Variants in ZBTB20 observed in about 807,000 individuals in gnomAD.
ZBTB20 encodes zinc finger and BTB domain-containing protein 20.
Under a neutral mutation model 56.9 loss-of-function variants are expected in ZBTB20, and 9 were observed. The ratio of observed to expected loss-of-function variants is 0.16; its 90% confidence interval spans 0.10 to 0.28. The LOEUF (loss-of-function observed/expected upper bound fraction) is 0.28. Ranked by LOEUF, ZBTB20 falls within the 10% of genes least tolerant of loss-of-function variation. ZBTB20 has a pLI of 1.00. For synonymous variants in ZBTB20, 417 were observed against 420.7 expected (o/e 0.99, Z 0.11); for missense variants, 655 against 1,003.0 (o/e 0.65, Z 4.69).
chr3:114,903,235 T>C (rs542711306), intron 3 of ZBTB20, among the ~76,000 whole-genome samples: 1 of 152,108 alleles, frequency 6.6e-6, no homozygotes, highest in Non-Finnish European at 1.5e-5. Context: ...ATTTAAATTT[T>C]CTGTCTGTAA....
Position 114,631,382 on chromosome 3 carries a change from CTTTTTTTTTTT to C in ZBTB20, c.-295+62135_-295+62145del, listed in dbSNP as rs66470152. ...TGGGGTGGCTCTTAAATAGGTTATT[CTTTTTTTTTTT>C]TTTTTTTTTTTTTTTTTGAGATGGC... On this transcript the variant is annotated intron_variant, in intron 6 of 11. Coordinates refer to ENST00000675478, the MANE Select transcript of ZBTB20 (RefSeq NM_001348800.3). Among the ~76,000 whole-genome samples, 56 of 49,828 alleles carry C rather than the reference CTTTTTTTTTTT, an allele frequency of 1.1e-3. 1 individual carries two copies. The highest frequency in any genetic ancestry group is 0.045 in the Middle Eastern group (1 of 22). 32.7% of individuals were successfully genotyped at this position (49,828 alleles called of 152,430 possible).
At chr3:114,732,767 G>C (rs1030084814) in intron 5 of ZBTB20, among the ~76,000 whole-genome samples, 1 of 152,168 alleles carries the variant, frequency 6.6e-6, no homozygotes, top group African/African-American at 2.4e-5. Context: ...GTGGGGGATG[G>C]GGATGCAGGT....
chr3:114,570,570 A>C (rs2053308188), intron 6 of ZBTB20, among the ~76,000 whole-genome samples: 3 of 152,114 alleles, frequency 2.0e-5, no homozygotes, highest in Non-Finnish European at 4.4e-5. Flanking sequence ...GCAGAGTTAG[A>C]ATTTAAACTC....
intron 7 of ZBTB20, among the ~76,000 whole-genome samples, chr3:114,446,024 T>A (rs1479586635): frequency 6.6e-6 from 1 of 152,144 alleles, no homozygotes; most frequent in South Asian, 2.1e-4. Flanking sequence ...ATCTATATAT[T>A]CCTTAACGTT....
At chr3:114,936,283 T>A (rs998147485) in intron 3 of ZBTB20, among the ~76,000 whole-genome samples, 1 of 152,182 alleles carries the variant, frequency 6.6e-6, no homozygotes. Context: ...CACGCACACA[T>A]GCATGCGCAC....
chr3:115,079,378 T>A (rs1576727486), intron 1 of ZBTB20, among the ~76,000 whole-genome samples: 1 of 73,316 alleles, frequency 1.4e-5, no homozygotes. Context: ...CTCAAGTCTT[T>A]CTTATTTATT....
intron 4 of ZBTB20, among the ~76,000 whole-genome samples, chr3:114,857,002 G>C (rs2075284056): frequency 6.6e-6 from 1 of 152,070 alleles, no homozygotes; most frequent in South Asian, 2.1e-4. Context: ...AAAGTCACTG[G>C]TTTGTTGAGA....
At chr3:114,522,979 G>T (rs1395389147) in intron 6 of ZBTB20, among the ~76,000 whole-genome samples, 1 of 152,118 alleles carries the variant, frequency 6.6e-6, no homozygotes, top group East Asian at 1.9e-4. Context: ...CCATAAGCTT[G>T]GGTGCAAATA....
chr3:115,106,306 T>A (rs532340800), intron 1 of ZBTB20, among the ~76,000 whole-genome samples: 42 of 148,284 alleles, frequency 2.8e-4, no homozygotes, highest in Middle Eastern at 6.9e-3. Flanking sequence ...CGATCTTAGC[T>A]CACTGCAAGC....
chr3:114,539,404 G>C (rs1454811800), intron 6 of ZBTB20, among the ~76,000 whole-genome samples: 1 of 152,056 alleles, frequency 6.6e-6, no homozygotes, highest in Non-Finnish European at 1.5e-5. Context: ...TTAGACATTT[G>C]TATAGCAGTG....
chr3:115,037,883 T>C (rs1406106948), intron 2 of ZBTB20, among the ~76,000 whole-genome samples: 1 of 152,214 alleles, frequency 6.6e-6, no homozygotes, highest in Non-Finnish European at 1.5e-5. Flanking sequence ...TTTAAATAAA[T>C]AAATATGCTA....
At chr3:115,049,069 C>T (rs2081444664) in intron 2 of ZBTB20, among the ~76,000 whole-genome samples, 2 of 151,982 alleles carry the variant, frequency 1.3e-5, no homozygotes, top group African/African-American at 4.8e-5. Flanking sequence ...TCTTATAAAA[C>T]CCTTAATACT....
intron 6 of ZBTB20, among the ~76,000 whole-genome samples, chr3:114,637,254 T>G (rs975409550): frequency 6.6e-6 from 1 of 152,076 alleles, no homozygotes; most frequent in African/African-American, 2.4e-5. Context: ...ACACTACTTT[T>G]TATTTTTCCA....
At chr3:114,686,948 TAAC>T (rs375580143) in intron 6 of ZBTB20, among the ~76,000 whole-genome samples, 1 of 151,862 alleles carries the variant, frequency 6.6e-6, no homozygotes, top group East Asian at 1.9e-4. Context: ...ACAACAGCAA[TAAC>T]AACAACAACA....
At chr3:114,840,840 T>A (rs964479546) in intron 4 of ZBTB20, among the ~76,000 whole-genome samples, 9 of 152,164 alleles carry the variant, frequency 5.9e-5, no homozygotes, top group Non-Finnish European at 8.8e-5. Flanking sequence ...AATACTAAAT[T>A]GAGGCTCTAG....
chr3:114,362,030 T>G (rs934570711), intron 10 of ZBTB20, among the ~76,000 whole-genome samples: 1 of 152,184 alleles, frequency 6.6e-6, no homozygotes, highest in East Asian at 1.9e-4. Context: ...TTAGATTTAA[T>G]GAGTCTTGTA....
chr3:114,660,712 A>G (rs1489559778), intron 6 of ZBTB20, among the ~76,000 whole-genome samples: 1 of 152,162 alleles, frequency 6.6e-6, no homozygotes, highest in Non-Finnish European at 1.5e-5. Context: ...TCAGCACAAC[A>G]AGACAGGTCA....
intron 11 of ZBTB20, among the ~76,000 whole-genome samples, chr3:114,346,668 CTTT>C (rs1299190137): frequency 6.7e-6 from 1 of 148,462 alleles, no homozygotes; most frequent in Non-Finnish European, 1.5e-5. Context: ...TGGACTACTT[CTTT>C]GTCTCAAACA....
At chr3:115,105,573 C>G (rs2083696750) in intron 1 of ZBTB20, among the ~76,000 whole-genome samples, 2 of 152,134 alleles carry the variant, frequency 1.3e-5, no homozygotes, top group South Asian at 4.1e-4. Context: ...TGAAAATTTG[C>G]TGTTTAATAC....
Sources: allele counts gnomAD v4.1 joint callset (sites outside exome capture counted in the v4.1 genomes callset), GRCh38; gene constraint gnomAD v4.1.1; transcripts MANE v1.5; gene names NCBI Gene and HGNC (gene_info 2026-07-23, HGNC 2026-07-21).